Variants in CAMK2A observed in about 807,000 individuals in gnomAD.
CAMK2A encodes the protein calcium/calmodulin dependent protein kinase II alpha.
In CAMK2A, 7 loss-of-function variants were observed where a neutral mutation model predicts 79.2. The observed-to-expected ratio is 0.09, with a 90% CI of 0.05 to 0.17. The LOEUF is 0.17. Ranked by LOEUF, CAMK2A falls within the 10% of genes least tolerant of loss-of-function variation. The pLI is 1.00. For synonymous variants in CAMK2A, 242 were observed against 251.7 expected (o/e 0.96, Z 0.36); for missense variants, 214 against 646.4 (o/e 0.33, Z 7.25).
At chr5:150,270,253 T>A (rs1442592016) in intron 2 of CAMK2A, among the ~76,000 whole-genome samples, 2 of 152,240 alleles carry the variant, frequency 1.3e-5, no homozygotes, top group African/African-American at 4.8e-5. Context: ...TCCAACTTCA[T>A]GGGTGGAACT....
In CAMK2A at chr5:150,265,293, C is replaced by G. The variant is rs76054023; in HGVS notation, c.158-278G>C. 9 of 440,780 alleles carry G rather than the reference C, an allele frequency of 2.0e-5. No individual in the cohort carries two copies. The East Asian group carries it at 3.6e-4, about 18-fold the overall frequency. 27.3% of individuals were successfully genotyped at this position (440,780 alleles called of 1,614,324 possible). Reference sequence around the variant, plus strand: ...ATGTGAGGCTTCTCCGAGACTCCTCCAGGCCTGTTCCTCAGGCCCTATACT... The same window carrying G: ...ATGTGAGGCTTCTCCGAGACTCCTCGAGGCCTGTTCCTCAGGCCCTATACT... On this transcript the variant is annotated intron_variant, in intron 2 of 18. Transcript: ENST00000671881.
intron 15 of CAMK2A, 103 bp downstream of exon 15, chr5:150,238,597 G>T: frequency 8.8e-7 from 1 of 1,133,750 alleles, no homozygotes; most frequent in Non-Finnish European, 1.3e-6. Context: ...CTGTAGATGA[G>T]CAAGAAATGA....
At chr5:150,234,813 G>A (rs892530043) in intron 15 of CAMK2A, among the ~76,000 whole-genome samples, 5 of 152,178 alleles carry the variant, frequency 3.3e-5, no homozygotes, top group African/African-American at 1.2e-4. Context: ...ATGTTGGACT[G>A]CCCTGGCTAT....
intron 1 of CAMK2A, among the ~76,000 whole-genome samples, chr5:150,279,536 C>A (rs1429878172): frequency 1.3e-5 from 2 of 152,170 alleles, no homozygotes; most frequent in Admixed American, 1.3e-4. Context: ...AGGAACAATG[C>A]CTTGTGTAGG....
At chr5:150,260,973 T>G (rs994435801) in intron 3 of CAMK2A, among the ~76,000 whole-genome samples, 2 of 152,130 alleles carry the variant, frequency 1.3e-5, no homozygotes, top group African/African-American at 4.8e-5. Context: ...GCAGCTAGAA[T>G]CATCTCAGAA....
At chr5:150,279,445 A>G (rs1303969693) in intron 1 of CAMK2A, among the ~76,000 whole-genome samples, 5 of 152,152 alleles carry the variant, frequency 3.3e-5, no homozygotes, top group Non-Finnish European at 7.3e-5. Flanking sequence ...TACCAACCCT[A>G]TGCAGTTGTT....
intron 6 of CAMK2A, among the ~76,000 whole-genome samples, chr5:150,255,933 C>T (rs551694201): frequency 2.6e-5 from 4 of 152,312 alleles, no homozygotes; most frequent in African/African-American, 9.6e-5. Flanking sequence ...CCACTGATAC[C>T]ATGAGGATCA....
intron 2 of CAMK2A, among the ~76,000 whole-genome samples, chr5:150,269,647 C>T (rs1756653990): frequency 6.6e-6 from 1 of 152,162 alleles, no homozygotes; most frequent in Admixed American, 6.5e-5. Context: ...AGCCACCAAA[C>T]CCAGCCCCAT....
intron 1 of CAMK2A, 89 bp downstream of exon 1, chr5:150,289,475 C>G: frequency 1.0e-6 from 1 of 1,000,918 alleles, no homozygotes; most frequent in South Asian, 1.4e-5. Context: ...AAGGAATGCT[C>G]CCCAAGCACT....
rs148876285 is a variant in CAMK2A, at chr5:150,247,720, C to G, written c.943+52G>C. 6.7e-4 allele frequency: 1,002 copies of G among 1,492,708 alleles called. 15 individuals are homozygous for G. In the East Asian group the frequency reaches 0.022, roughly 32 times the overall value. The allele number at this position is 1,492,708 out of a possible 1,614,324, so 92.5% of individuals were successfully genotyped here. A position where few individuals can be genotyped will look rare whatever the true frequency, so the allele number is the denominator to read the frequency against. On this transcript the variant is annotated intron_variant, in intron 12 of 18. Transcript: ENST00000671881. ...CTCCAATATCTGACAGGACGGTGCC[C>G]CCAACGAACTGGTGCAGGGCTTACT...
intron 1 of CAMK2A, among the ~76,000 whole-genome samples, chr5:150,280,621 G>A (rs982431638): frequency 6.6e-5 from 10 of 151,942 alleles, no homozygotes; most frequent in African/African-American, 2.2e-4. Context: ...CGCCAGGTTC[G>A]CCCACCCATG....
Position 150,250,312 on chromosome 5 carries a change from G to A in CAMK2A, c.817-3C>T. ...CAGGATGCCACGGTGGAGCGGTGCT[G>A]GAGGAAGTAGGGGAGAGGGCTGTGA... On this transcript the variant is annotated splice_region_variant and splice_polypyrimidine_tract_variant and intron_variant, in intron 10 of 18. Transcript: ENST00000671881. 1 of 1,613,212 alleles carries A rather than the reference G, an allele frequency of 6.2e-7. No individual in the cohort carries two copies. The highest frequency in any genetic ancestry group is 8.5e-7 in the Non-Finnish European group (1 of 1,179,392).
intron 1 of CAMK2A, among the ~76,000 whole-genome samples, chr5:150,277,407 G>T (rs1756994162): frequency 6.6e-6 from 1 of 152,224 alleles, no homozygotes; most frequent in African/African-American, 2.4e-5. Context: ...AATCAGCACT[G>T]ATGGGGGCCA....
Position 150,221,404 on chromosome 5 carries a change from A to G in CAMK2A, c.*1306T>C, listed in dbSNP as rs908399063. 5.8e-5 allele frequency: 23 copies of G among 398,688 alleles called. No homozygotes were observed. Among genetic ancestry groups the G allele is most frequent in the Non-Finnish European group, 8.4e-5 (19 of 226,068 alleles). 24.7% of individuals were successfully genotyped at this position (398,688 alleles called of 1,614,324 possible). ...CATCAGACGCCAAGGGGAGAGAGGC[A>G]ATGAAGACACACGCTCACGGGCCCC... is the stretch of plus-strand genomic sequence containing the variant. On this transcript the variant is annotated 3_prime_UTR_variant, in exon 19 of 19. Coordinates refer to ENST00000671881, the MANE Select transcript of CAMK2A (RefSeq NM_015981.4).
intron 16 of CAMK2A, 78 bp from the exon 17 acceptor site, chr5:150,228,364 G>A: frequency 1.0e-6 from 1 of 964,378 alleles, no homozygotes; most frequent in Non-Finnish European, 1.6e-6. Context: ...CTGTGAAATA[G>A]GAATGATTGC....
chr5:150,233,831 G>C (rs1430247543), intron 15 of CAMK2A, among the ~76,000 whole-genome samples: 1 of 151,928 alleles, frequency 6.6e-6, no homozygotes, highest in Non-Finnish European at 1.5e-5. Flanking sequence ...TCATTTTTTT[G>C]AGATGGGGTC....
chr5:150,261,031 G>A (rs1756284873), intron 3 of CAMK2A, among the ~76,000 whole-genome samples: 1 of 152,024 alleles, frequency 6.6e-6, no homozygotes, highest in Non-Finnish European at 1.5e-5. Flanking sequence ...GCCACAAGAA[G>A]ACTGGAGTCC....
chr5:150,266,256 A>G (rs888869975), intron 2 of CAMK2A, among the ~76,000 whole-genome samples: 12 of 152,172 alleles, frequency 7.9e-5, no homozygotes, highest in African/African-American at 2.9e-4. Flanking sequence ...GAACAGTGGG[A>G]CACATGATCC....
intron 14 of CAMK2A, 48 bp downstream of exon 14, chr5:150,239,656 G>T (rs981178111): frequency 2.5e-6 from 4 of 1,593,282 alleles, no homozygotes; most frequent in East Asian, 4.5e-5. Flanking sequence ...CAGGAGCAAG[G>T]GTTCGAGGCC....
Sources: allele counts gnomAD v4.1 joint callset (sites outside exome capture counted in the v4.1 genomes callset), GRCh38; gene constraint gnomAD v4.1.1; transcripts MANE v1.5; gene names NCBI Gene and HGNC (gene_info 2026-07-23, HGNC 2026-07-21).